Variants in ENAH observed in about 807,000 individuals in gnomAD.
The protein encoded by ENAH is protein enabled homolog.
In ENAH, 23 loss-of-function variants were observed where a neutral mutation model predicts 78.7. The observed-to-expected ratio is 0.29, with a 90% CI of 0.21 to 0.41. The LOEUF is 0.41. Ranked by LOEUF, ENAH falls within the 10% of genes least tolerant of loss-of-function variation. The pLI, the probability that ENAH is intolerant of heterozygous loss-of-function variation, is 1.00. For missense variants in ENAH, 544 were observed against 691.0 expected (o/e 0.79, Z 2.39); for synonymous variants, 226 against 241.0 (o/e 0.94, Z 0.58).
chr1:225,568,364 C>G (rs2096744721), intron 1 of ENAH, among the ~76,000 whole-genome samples: 1 of 152,088 alleles, frequency 6.6e-6, no homozygotes, highest in Non-Finnish European at 1.5e-5. Context: ...GACCCCGTCT[C>G]TATATTTAAA....
chr1:225,633,145 C>T (rs1160055883), intron 1 of ENAH, among the ~76,000 whole-genome samples: 1 of 151,866 alleles, frequency 6.6e-6, no homozygotes, highest in African/African-American at 2.4e-5. Context: ...CAGGTTCACA[C>T]CATTCTCCTG....
intron 3 of ENAH, among the ~76,000 whole-genome samples, chr1:225,537,581 G>C (rs188573717): frequency 1.3e-5 from 2 of 152,264 alleles, no homozygotes; most frequent in East Asian, 3.9e-4. Context: ...AGCAGAATAA[G>C]GGAAAGAACA....
chr1:225,624,411 G>GT (rs1657559964), intron 1 of ENAH, among the ~76,000 whole-genome samples: 1 of 152,114 alleles, frequency 6.6e-6, no homozygotes, highest in Non-Finnish European at 1.5e-5. Context: ...ATCACTTGAG[G>GT]TCAGAAGTTT....
In ENAH at chr1:225,626,711, C is replaced by G. The variant is rs141210025; in HGVS notation, c.5+25975G>C. On this transcript the variant is annotated intron_variant, in intron 1 of 13. Transcript: ENST00000366843. ...AGACTACAACACCAAAGAATTACCA[C>G]TTTTGGAAAACCAAGTGACTTCCAT... 3.6e-4 allele frequency among the ~76,000 whole-genome samples: 55 copies of G among 152,362 alleles called. No homozygotes were observed. In the Middle Eastern group the frequency reaches 0.01, roughly 28 times the overall value.
chr1:225,619,917 T>C (rs534733713), intron 1 of ENAH, among the ~76,000 whole-genome samples: 1 of 152,298 alleles, frequency 6.6e-6, no homozygotes, highest in East Asian at 1.9e-4. Context: ...CTGGTGATAA[T>C]TAAATGTACC....
At chr1:225,517,720 T>C in intron 5 of ENAH, 4 of 1,551,084 alleles carry the variant, frequency 2.6e-6, no homozygotes, top group Non-Finnish European at 3.5e-6. Context: ...AGAGTTTTTG[T>C]TCAGAGGACG....
chr1:225,584,445 T>TTC (rs1467945641), intron 1 of ENAH, among the ~76,000 whole-genome samples: 1 of 151,932 alleles, frequency 6.6e-6, no homozygotes, highest in Non-Finnish European at 1.5e-5. Flanking sequence ...TAAAATAGAA[T>TTC]TCTAAAGGTA....
chr1:225,589,110 A>G (rs942761520), intron 1 of ENAH, among the ~76,000 whole-genome samples: 1 of 152,172 alleles, frequency 6.6e-6, no homozygotes, highest in African/African-American at 2.4e-5. Context: ...AGGAAAAAAA[A>G]GCTAATCTAT....
At chr1:225,522,181 A>T (rs779968690) in intron 4 of ENAH, among the ~76,000 whole-genome samples, 20 of 152,196 alleles carry the variant, frequency 1.3e-4, no homozygotes, top group Non-Finnish European at 2.6e-4. Context: ...GACAAAGCTA[A>T]ATGACAGCAC....
chr1:225,647,956 A>C lies in ENAH; in HGVS notation c.5+4730T>G, dbSNP rs541206880. Among the ~76,000 whole-genome samples, 24 of 152,320 alleles carry C rather than the reference A, an allele frequency of 1.6e-4. 1 individual carries two copies. The highest frequency in any genetic ancestry group is 2.8e-4 in the Non-Finnish European group (19 of 68,032). On this transcript the variant is annotated intron_variant, in intron 1 of 13. Transcript: ENST00000366843. ...ATAATTATAAGACAGAATAAATTCA[A>C]TAGCAAAAAAACATGTAAAGTGCAC...
At chr1:225,625,521 G>T (rs1344486100) in intron 1 of ENAH, among the ~76,000 whole-genome samples, 1 of 152,080 alleles carries the variant, frequency 6.6e-6, no homozygotes, top group Non-Finnish European at 1.5e-5. Flanking sequence ...CACGTTTCCT[G>T]TATTTTTGTT....
intron 1 of ENAH, among the ~76,000 whole-genome samples, chr1:225,614,279 G>C (rs1407819801): frequency 6.6e-6 from 1 of 152,016 alleles, no homozygotes; most frequent in East Asian, 1.9e-4. Flanking sequence ...GGATGGTCTC[G>C]AACTCCTGAC....
rs1395150833 is a variant in ENAH, at chr1:225,552,303, A to AT, written c.349+2602dup. On this transcript the variant is annotated intron_variant, in intron 3 of 13. Transcript: ENST00000366843. ...AGGCGCCCGCCACCACGCCCGGCTA[A>AT]TTTTTTTGTATTTTTTAGTAGAGAC... Among the ~76,000 whole-genome samples, 4 of 151,236 alleles carry AT rather than the reference A, an allele frequency of 2.6e-5. No homozygotes were observed. The East Asian group carries it at 7.8e-4, about 29-fold the overall frequency.
At chr1:225,503,658 CAAA>C (rs10683254) in intron 11 of ENAH, among the ~76,000 whole-genome samples, 5 of 82,946 alleles carry the variant, frequency 6.0e-5, no homozygotes, top group Admixed American at 2.9e-4. Context: ...CAAACCACCT[CAAA>C]AAAAAAAAAA....
chr1:225,650,930 AAAC>A (rs1239786116), intron 1 of ENAH, among the ~76,000 whole-genome samples: 2 of 150,858 alleles, frequency 1.3e-5, no homozygotes, highest in Non-Finnish European at 3.0e-5. Context: ...CCAAAGTTTG[AAAC>A]AACTGATAAC....
chr1:225,526,647 G>A (rs1022313820), intron 4 of ENAH, among the ~76,000 whole-genome samples: 1 of 151,632 alleles, frequency 6.6e-6, no homozygotes, highest in Non-Finnish European at 1.5e-5. Flanking sequence ...ATTTCTCGGC[G>A]GGGAAAAAAA....
At chr1:225,590,443 C>CA (rs769081864) in intron 1 of ENAH, among the ~76,000 whole-genome samples, 10 of 145,634 alleles carry the variant, frequency 6.9e-5, no homozygotes, top group East Asian at 2.0e-4. Flanking sequence ...TAGCCTGTCT[C>CA]AAAAAAAAAG....
At chr1:225,585,393 G>C (rs1212235547) in intron 1 of ENAH, among the ~76,000 whole-genome samples, 1 of 152,028 alleles carries the variant, frequency 6.6e-6, no homozygotes, top group East Asian at 1.9e-4. Context: ...TGACTCATTT[G>C]ATATTTTAAA....
At chr1:225,644,122 A>G (rs2148470973) in intron 1 of ENAH, among the ~76,000 whole-genome samples, 1 of 152,220 alleles carries the variant, frequency 6.6e-6, no homozygotes, top group South Asian at 2.1e-4. Context: ...AAAAGTTTAG[A>G]AATCTACACA....
Sources: gnomAD v4.1 joint callset for allele counts (sites outside exome capture counted in the v4.1 genomes callset) on GRCh38, gnomAD v4.1.1 for gene constraint, MANE v1.5 for transcripts, NCBI Gene and HGNC (gene_info 2026-07-23, HGNC 2026-07-21) for gene names.